NME7: variants seen among roughly 807,000 people sequenced by gnomAD.
The protein encoded by NME7 is NME/NM23 family member 7.
In NME7, 41 loss-of-function variants were observed where a neutral mutation model predicts 49.1. The observed-to-expected ratio is 0.83, with a 90% CI of 0.65 to 1.08. The LOEUF (loss-of-function observed/expected upper bound fraction) is 1.08, where lower values mean the gene tolerates loss of function less well. NME7 is among the 50% of genes least tolerant of loss of function. The pLI is 0.00. For synonymous variants in NME7, 139 were observed against 150.6 expected (o/e 0.92, Z 0.56); for missense variants, 423 against 463.4 (o/e 0.91, Z 0.80).
intron 7 of NME7, among the ~76,000 whole-genome samples, chr1:169,240,443 G>A (rs964093189): frequency 6.6e-6 from 1 of 151,958 alleles, no homozygotes; most frequent in African/African-American, 2.4e-5. Flanking sequence ...TTGAAAAATA[G>A]TGGAATATTT....
At chr1:169,350,100 G>A (rs1194463394) in intron 1 of NME7, among the ~76,000 whole-genome samples, 1 of 151,770 alleles carries the variant, frequency 6.6e-6, no homozygotes, top group Non-Finnish European at 1.5e-5. Flanking sequence ...GCTGAGGCAG[G>A]AGAATCACTT....
chr1:169,343,173 G>T (rs1379039654), intron 1 of NME7, among the ~76,000 whole-genome samples: 1 of 151,054 alleles, frequency 6.6e-6, no homozygotes, highest in African/African-American at 2.4e-5. Flanking sequence ...ATCTAAGAAG[G>T]CTTTGCCTGA....
chr1:169,149,255 T>G (rs1658842791), intron 11 of NME7, among the ~76,000 whole-genome samples: 1 of 152,096 alleles, frequency 6.6e-6, no homozygotes, highest in African/African-American at 2.4e-5. Context: ...GCAGGAGATT[T>G]GCTTGAACCT....
intron 3 of NME7, among the ~76,000 whole-genome samples, chr1:169,311,217 G>C (rs920963921): frequency 6.6e-6 from 1 of 151,960 alleles, no homozygotes; most frequent in Non-Finnish European, 1.5e-5. Flanking sequence ...AGGAGATCGA[G>C]ACCATCCTGG....
intron 10 of NME7, among the ~76,000 whole-genome samples, chr1:169,228,041 T>TACACAC (rs72257273): frequency 0.076 from 11,177 of 147,050 alleles, 534 homozygotes; most frequent in Admixed American, 0.17. Context: ...TATGTGTGTA[T>TACACAC]ACACACACAC....
chr1:169,229,074 T>A (rs1647477107), intron 10 of NME7, among the ~76,000 whole-genome samples: 1 of 152,192 alleles, frequency 6.6e-6, no homozygotes, highest in African/African-American at 2.4e-5. Flanking sequence ...AAAGTAACAA[T>A]TCAGTATAGT....
At chr1:169,179,281 T>G (rs1659857615) in intron 10 of NME7, among the ~76,000 whole-genome samples, 1 of 152,218 alleles carries the variant, frequency 6.6e-6, no homozygotes, top group African/African-American at 2.4e-5. Flanking sequence ...CCAGTCAGAA[T>G]GGCTATTATT....
chr1:169,242,342 A>G (rs753671553), intron 7 of NME7, among the ~76,000 whole-genome samples: 2 of 152,006 alleles, frequency 1.3e-5, no homozygotes, highest in Non-Finnish European at 2.9e-5. Flanking sequence ...ATCTGCATAT[A>G]TTGATACAGA....
rs1369121083 is a variant in NME7 at position 169,257,874 on chromosome 1, G to T, written c.755-20187C>A. 1.5e-5 allele frequency among the ~76,000 whole-genome samples: 2 copies of T among 133,396 alleles called. 1 individual carries two copies. The highest frequency in any genetic ancestry group is 3.5e-5 in the Non-Finnish European group (2 of 56,856). The allele number at this position is 133,396 out of a possible 152,430, so 87.5% of individuals were successfully genotyped here. A position where few individuals can be genotyped will look rare whatever the true frequency, so the allele number is the denominator to read the frequency against. On this transcript the variant is annotated intron_variant, in intron 7 of 11. Coordinates refer to ENST00000367811, the MANE Select transcript of NME7 (RefSeq NM_013330.5). Reference sequence around the variant, plus strand: ...TAAAGATAAAACTCCAATCCCTTCTGGCTTAAAAGGTTTCTGCTGAGGAAA... The same window carrying T: ...TAAAGATAAAACTCCAATCCCTTCTTGCTTAAAAGGTTTCTGCTGAGGAAA...
At chr1:169,206,166 G>A (rs745503918) in intron 10 of NME7, among the ~76,000 whole-genome samples, 12 of 151,608 alleles carry the variant, frequency 7.9e-5, no homozygotes, top group African/African-American at 2.7e-4. Flanking sequence ...TATTTATTCC[G>A]CTCCTGATCT....
chr1:169,204,292 C>T (rs905557342), intron 10 of NME7, among the ~76,000 whole-genome samples: 15 of 151,256 alleles, frequency 9.9e-5, no homozygotes, highest in African/African-American at 3.6e-4. Flanking sequence ...TAAACTTTCA[C>T]TCAATCCATA....
chr1:169,363,752 T>C (rs1653747562), intron 1 of NME7, among the ~76,000 whole-genome samples: 1 of 152,246 alleles, frequency 6.6e-6, no homozygotes, highest in South Asian at 2.1e-4. Flanking sequence ...TCCAGATCAC[T>C]GCACTTTGTA....
chr1:169,258,375 C>CATATATATATATAT (rs71121749), intron 7 of NME7, among the ~76,000 whole-genome samples: 9 of 86,786 alleles, frequency 1.0e-4, no homozygotes, highest in African/African-American at 2.9e-4. Flanking sequence ...TAAAATAAAA[C>CATATATATATATAT]ATATATATAT....
chr1:169,204,310 T>C (rs1477077609), intron 10 of NME7, among the ~76,000 whole-genome samples: 5 of 151,474 alleles, frequency 3.3e-5, no homozygotes, highest in Admixed American at 6.6e-5. Context: ...ATACTAGATA[T>C]TGTCACATAA....
At chr1:169,161,411 G>A (rs1260876536) in intron 11 of NME7, among the ~76,000 whole-genome samples, 4 of 152,078 alleles carry the variant, frequency 2.6e-5, no homozygotes, top group African/African-American at 9.7e-5. Flanking sequence ...CGTTAATCAC[G>A]GCCAAGAAAT....
chr1:169,213,856 T>TAC (rs894665735), intron 10 of NME7, among the ~76,000 whole-genome samples: 17 of 150,656 alleles, frequency 1.1e-4, no homozygotes, highest in African/African-American at 3.9e-4. Context: ...CACACAAACA[T>TAC]ACACACACAT....
chr1:169,155,609 C>A (rs1197205540), intron 11 of NME7, among the ~76,000 whole-genome samples: 3 of 152,096 alleles, frequency 2.0e-5, no homozygotes, highest in Non-Finnish European at 4.4e-5. Context: ...AGAGACAGTC[C>A]ATTATTCTGT....
intron 11 of NME7, among the ~76,000 whole-genome samples, chr1:169,145,208 T>C (rs1449650318): frequency 1.3e-5 from 2 of 152,190 alleles, no homozygotes; most frequent in Admixed American, 1.3e-4. Context: ...ATTTTTGCTG[T>C]TTTCAACTTG....
At chr1:169,232,919 T>TA (rs1647698391) in intron 9 of NME7, among the ~76,000 whole-genome samples, 1 of 124,754 alleles carries the variant, frequency 8.0e-6, no homozygotes, top group Non-Finnish European at 1.7e-5. Context: ...TTTCTTTTTT[T>TA]TTTTTTTTTT....
Sources: gnomAD v4.1 joint callset for allele counts (sites outside exome capture counted in the v4.1 genomes callset) on GRCh38, gnomAD v4.1.1 for gene constraint, MANE v1.5 for transcripts, NCBI Gene and HGNC (gene_info 2026-07-23, HGNC 2026-07-21) for gene names.